The following IGSF22 variants were observed in gnomAD, a reference collection of about 807,000 sequenced individuals.
IGSF22 encodes the protein immunoglobulin superfamily, member 22.
IGSF22 carries 119 observed loss-of-function variants against 127.0 expected under a neutral mutation model. The ratio of observed to expected loss-of-function variants is 0.94; its 90% CI spans 0.81 to 1.09. IGSF22 has a LOEUF of 1.09. Among genes scored for constraint, IGSF22 ranks in the 50% least tolerant of loss-of-function variants. The pLI is 0.00. For missense variants in IGSF22, 1,518 were observed against 1,716.6 expected (o/e 0.88, Z 2.04); for synonymous variants, 568 against 664.7 (o/e 0.85, Z 2.24).
intron 11 of IGSF22, 143 bp downstream of exon 11, chr11:18,715,289 G>A (rs1206354233): frequency 1.3e-6 from 1 of 774,300 alleles, no homozygotes; most frequent in African/African-American, 1.7e-5. Context: ...TAGGAGGTGA[G>A]GGTGATCAGA....
chr11:18,711,454 G>A (rs1287419604), intron 15 of IGSF22, among the ~76,000 whole-genome samples: 1 of 152,198 alleles, frequency 6.6e-6, no homozygotes, highest in Admixed American at 6.5e-5. Flanking sequence ...CTGGAGTGCA[G>A]TGGCATGATC....
chr11:18,719,458 C>T (rs1027205036), intron 7 of IGSF22, among the ~76,000 whole-genome samples: 1 of 152,210 alleles, frequency 6.6e-6, no homozygotes, highest in African/African-American at 2.4e-5. Context: ...TGAGCCACTG[C>T]ACCCAGCCTA....
chr11:18,709,268 A>T lies in IGSF22; in HGVS notation c.2998+119T>A. 1 of 1,071,690 alleles carries T rather than the reference A, an allele frequency of 9.3e-7. No homozygotes were observed. The highest frequency in any genetic ancestry group is 1.3e-6 in the Non-Finnish European group (1 of 745,610). 66.4% of individuals were successfully genotyped at this position (1,071,690 alleles called of 1,614,324 possible). ...CTAACTTTGTCCAGGCACAACAACT[A>T]TGGATGACTTTTTCATGATCCTAGC... is the stretch of plus-strand genomic sequence containing the variant. On this transcript the variant is annotated intron_variant, in intron 18 of 22. Transcript: ENST00000513874. The surrounding 1 kb of genome is among the most constrained non-coding windows in gnomAD (Gnocchi z 4.8).
intron 1 of IGSF22, among the ~76,000 whole-genome samples, chr11:18,725,759 G>A (rs981714216): frequency 6.6e-6 from 1 of 152,184 alleles, no homozygotes; most frequent in Non-Finnish European, 1.5e-5. Context: ...AGTTTTTAAA[G>A]TCCTATTTCG....
In IGSF22 at chr11:18,715,581, C is replaced by T. The variant is rs779383751; in HGVS notation, c.1382G>A (p.Gly461Asp). ...WKKDGQLLMH[G>D]TKYSMNHEGK... ...CTCATGGTTCATGCTGTACTTAGTGCCATGCATCAGCAGCTGCCCATCCTT... is the reference window on the plus strand; with the variant it reads ...CTCATGGTTCATGCTGTACTTAGTGTCATGCATCAGCAGCTGCCCATCCTT... The change falls in exon 11 of 23, where the codon GGC (glycine) becomes GAC (aspartate). Residue 461 changes from glycine (G) to aspartate (D), a missense_variant. Coordinates refer to ENST00000513874, the MANE Select transcript of IGSF22 (RefSeq NM_173588.4). 22 of 1,614,034 alleles carry T rather than the reference C, an allele frequency of 1.4e-5. No homozygotes were observed. The East Asian group carries it at 2.0e-4, about 15-fold the overall frequency.
Position 18,714,039 on chromosome 11 carries a change from C to T in IGSF22, c.1908G>A (p.Leu636=), listed in dbSNP as rs1848408319. 1 of 1,614,292 alleles carries T rather than the reference C, an allele frequency of 6.2e-7. No individual in the cohort carries two copies. Among genetic ancestry groups the T allele is most frequent in the Non-Finnish European group, 8.5e-7 (1 of 1,180,058 alleles). Residue 636 remains leucine, a synonymous_variant, in exon 14 of 23, where the codon CTG becomes CTA. Coordinates refer to ENST00000513874, the MANE Select transcript of IGSF22 (RefSeq NM_173588.4). ...HIKVPFRGKP[L]PKVTWYKDGM... ...CATCCTTGTACCATGTCACTTTGGG[C>T]AGTGGTTTTCCCCGGAAGGGGACCT... is the stretch of plus-strand genomic sequence containing the variant.
At chr11:18,724,098 C>A in intron 2 of IGSF22, 30 bp downstream of exon 2, 1 of 1,565,832 alleles carries the variant, frequency 6.4e-7, no homozygotes. Context: ...CTGCCCTTCC[C>A]GATCCCTTCC....
In IGSF22 at chr11:18,712,382, G is replaced by A. The variant is rs751147571; in HGVS notation, c.2098C>T (p.Arg700Cys). ...ACCCGGCCCTGTGGAGGCTTTGGAC[G>A]GTCTGGGGACAGAGAACAGCTTCAG... Reference protein sequence around the residue: ...TATLHLSVLDRPKPPQGRVEF... With the variant: ...TATLHLSVLDCPKPPQGRVEF... The change falls in exon 15 of 23, where the codon CGT becomes TGT. Residue 700 changes from arginine to cysteine, a missense_variant and splice_region_variant. Physicochemically the swap from Arg to Cys is radical, Grantham distance 180 (BLOSUM62 -3). Transcript: ENST00000513874. The A allele has an allele frequency of 2.3e-5, 36 of 1,549,398 alleles. No individual in the cohort carries two copies. The highest frequency in any genetic ancestry group is 2.3e-4 in the South Asian group (19 of 83,822).
At chr11:18,712,626 C>T (rs928467621) in intron 14 of IGSF22, among the ~76,000 whole-genome samples, 2 of 152,208 alleles carry the variant, frequency 1.3e-5, no homozygotes, top group African/African-American at 4.8e-5. Context: ...GGGGCCCCTG[C>T]CCTTAGCTGA....
chr11:18,721,246 A>G (rs1240910065), intron 4 of IGSF22, among the ~76,000 whole-genome samples: 1 of 152,112 alleles, frequency 6.6e-6, no homozygotes, highest in African/African-American at 2.4e-5. Flanking sequence ...CGCCTTGTGG[A>G]CACGCCCCTT....
Position 18,713,138 on chromosome 11 carries a change from T to G in IGSF22, c.2095+714A>C, listed in dbSNP as rs553695905. 2.0e-4 allele frequency among the ~76,000 whole-genome samples: 29 copies of G among 145,560 alleles called. No individual in the cohort carries two copies. In the South Asian group the frequency reaches 5.9e-3, roughly 30 times the overall value. On this transcript the variant is annotated intron_variant, in intron 14 of 22. Coordinates refer to ENST00000513874, the MANE Select transcript of IGSF22 (RefSeq NM_173588.4). ...CTCCATCCCTAAATCCCACCTCTTT[T>G]TTGTTGTTGTTTCTTTTTTTTTTTT... is the stretch of plus-strand genomic sequence containing the variant.
chr11:18,721,772 GC>G, intron 3 of IGSF22, 101 bp from the exon 4 acceptor site: 1 of 1,589,816 alleles, frequency 6.3e-7, no homozygotes, highest in Non-Finnish European at 8.6e-7. Context: ...CCTGGGCCTG[GC>G]CCCGGGCAGG....
intron 1 of IGSF22, 91 bp from the exon 2 acceptor site, chr11:18,724,360 T>C (rs944688481): frequency 4.5e-6 from 3 of 663,724 alleles, no homozygotes; most frequent in Non-Finnish European, 8.1e-6. Context: ...TAAGAGGAGA[T>C]GGAAGCACAC....
In IGSF22 at chr11:18,705,958, A is replaced by C; in HGVS notation, c.3769T>G (p.Ser1257Ala). Reference sequence around the variant, plus strand: ...CTGGTGGAGTTGTACCAGAACTTGGAGTTGGCCGTGATGTTGACGTCGCCC... The same window carrying C: ...CTGGTGGAGTTGTACCAGAACTTGGCGTTGGCCGTGATGTTGACGTCGCCC... ...YKGDVNITAN[S>A]KFWYNSTSGV... Residue 1257 changes from serine (S) to alanine (A), a missense_variant, in exon 22 of 23, where the codon TCC (serine) becomes GCC (alanine). Around this residue, in one of 3 missense-constraint regions of IGSF22, gnomAD observed 1,456 missense variants for 1,644.9 expected, o/e 0.89. Coordinates refer to ENST00000513874, the MANE Select transcript of IGSF22 (RefSeq NM_173588.4). 1 of 1,551,678 alleles carries C rather than the reference A, an allele frequency of 6.4e-7. No homozygotes were observed. Among genetic ancestry groups the C allele is most frequent in the Non-Finnish European group, 8.7e-7 (1 of 1,146,964 alleles).
At chr11:18,718,835 TA>T (rs1307100698) in intron 7 of IGSF22, 107 bp from the exon 8 acceptor site, 1 of 696,692 alleles carries the variant, frequency 1.4e-6, no homozygotes, top group African/African-American at 1.8e-5. Flanking sequence ...GAGAAATGAC[TA>T]GGCTCATTAG....
Position 18,704,321 on chromosome 11 carries a change from T to G in IGSF22, c.*147A>C. The G allele has an allele frequency of 1.6e-6, 1 of 640,834 alleles. No homozygotes were observed. Among genetic ancestry groups the G allele is most frequent in the Non-Finnish European group, 2.8e-6 (1 of 352,428 alleles). The allele number at this position is 640,834 out of a possible 1,614,324, so 39.7% of individuals were successfully genotyped here. On this transcript the variant is annotated 3_prime_UTR_variant, in exon 23 of 23. Coordinates refer to ENST00000513874, the MANE Select transcript of IGSF22 (RefSeq NM_173588.4). ...ACCCTCAGGAACGGGAAAGGATGAG[T>G]TACGTTTATTGCCCCATCCCTTCAC...
At chr11:18,718,148 A>G (rs903536449) in intron 8 of IGSF22, 55 bp from the exon 9 acceptor site, 29 of 1,562,828 alleles carry the variant, frequency 1.9e-5, no homozygotes, top group Non-Finnish European at 2.4e-5. Flanking sequence ...GGAAGCTTCC[A>G]GAGGTCTCCA....
chr11:18,712,156 C>T lies in IGSF22; in HGVS notation c.2324G>A (p.Arg775His), dbSNP rs768034247. The T allele has an allele frequency of 1.5e-5, 23 of 1,551,632 alleles. No homozygotes were observed. The highest frequency in any genetic ancestry group is 5.9e-5 in the Admixed American group (3 of 50,990). ...ACCTTCTGAATTGACTGCCAGGATACGGAACTGGTAGGCTTTTCCCTCTTC... is the reference window on the plus strand; with the variant it reads ...ACCTTCTGAATTGACTGCCAGGATATGGAACTGGTAGGCTTTTCCCTCTTC... ...KVEEGKAYQFRILAVNSEGVS... is the reference protein window; with the variant it reads ...KVEEGKAYQFHILAVNSEGVS... Residue 775 changes from arginine (R) to histidine (H), a missense_variant, in exon 15 of 23, where the codon CGT (arginine) becomes CAT (histidine). Physicochemically the swap from Arg to His is conservative, Grantham distance 29. Around this residue, in one of 3 missense-constraint regions of IGSF22, gnomAD observed 1,456 missense variants for 1,644.9 expected, o/e 0.89. Transcript: ENST00000513874.
chr11:18,715,078 T>G (rs1848436157), intron 11 of IGSF22, among the ~76,000 whole-genome samples: 1 of 151,498 alleles, frequency 6.6e-6, no homozygotes, highest in Non-Finnish European at 1.5e-5. Context: ...AGCCAGGGTC[T>G]GCGGAAAGTG....
Sources: allele counts gnomAD v4.1 joint callset (sites outside exome capture counted in the v4.1 genomes callset), GRCh38; gene constraint gnomAD v4.1.1; regional missense constraint gnomAD v4.1.1; non-coding constraint Gnocchi (gnomAD v3.1); transcripts MANE v1.5; gene names NCBI Gene and HGNC (gene_info 2026-07-23, HGNC 2026-07-21).